SYN3: variants seen among roughly 807,000 people sequenced by gnomAD.
The protein encoded by SYN3 is synapsin-3.
Under a neutral mutation model 65.8 loss-of-function variants are expected in SYN3, and 35 were observed. That is an observed-to-expected ratio of 0.53 (90% CI 0.41 to 0.70). The LOEUF (loss-of-function observed/expected upper bound fraction) is 0.70. Ranked by LOEUF, SYN3 falls within the 30% of genes least tolerant of loss-of-function variation. The probability of loss-of-function intolerance (pLI) is 0.00; values close to 1 mark genes in which losing one functional copy is unlikely to be tolerated. For synonymous variants in SYN3, 270 were observed against 292.9 expected, an observed-to-expected ratio of 0.92 and a Z score of 0.80; for missense variants, 680 against 749.0, an observed-to-expected ratio of 0.91 and a Z score of 1.08.
At chr22:32,676,174 A>T (rs2060438515) in intron 6 of SYN3, among the ~76,000 whole-genome samples, 1 of 152,216 alleles carries the variant, frequency 6.6e-6, no homozygotes, top group South Asian at 2.1e-4. Flanking sequence ...ACTGTCTTTC[A>T]TCAAGCCTCC....
chr22:32,857,823 C>T (rs764644501), intron 6 of SYN3, among the ~76,000 whole-genome samples: 2 of 152,176 alleles, frequency 1.3e-5, no homozygotes, highest in Non-Finnish European at 2.9e-5. Flanking sequence ...CTCTCCAAGC[C>T]TCATTATCCT....
At chr22:32,899,099 T>TTAAAAA in intron 4 of SYN3, among the ~76,000 whole-genome samples, 1 of 3,702 alleles carries the variant, frequency 2.7e-4, no homozygotes, top group Middle Eastern at 0.083. Context: ...AGACTCTGTC[T>TTAAAAA]CAAAAACAAA....
intron 7 of SYN3, among the ~76,000 whole-genome samples, chr22:32,594,736 C>T (rs6518789): frequency 0.23 from 35,748 of 152,130 alleles, 4,736 homozygotes; most frequent in South Asian, 0.32. Context: ...GATCCACCCT[C>T]TTTGGCCTCC....
intron 7 of SYN3, among the ~76,000 whole-genome samples, chr22:32,567,443 C>T (rs1454590790): frequency 6.8e-6 from 1 of 147,888 alleles, no homozygotes; most frequent in Non-Finnish European, 1.5e-5. Flanking sequence ...GGAAATAGAA[C>T]ACAGAGCCAA....
At chr22:32,670,504 AG>A (rs2060345828) in intron 6 of SYN3, among the ~76,000 whole-genome samples, 2 of 152,210 alleles carry the variant, frequency 1.3e-5, no homozygotes, top group Admixed American at 6.5e-5. Flanking sequence ...AGCTGGAAAG[AG>A]GGATCCTCTG....
chr22:32,914,017 G>A (rs961597205), intron 4 of SYN3, among the ~76,000 whole-genome samples: 2 of 152,192 alleles, frequency 1.3e-5, no homozygotes, highest in African/African-American at 2.4e-5. Context: ...GTTTGTAAGC[G>A]TTTAATGTGA....
chr22:32,784,915 A>G (rs575316203), intron 6 of SYN3: 2 of 152,338 alleles, frequency 1.3e-5, no homozygotes, highest in South Asian at 2.1e-4. Context: ...TTGAGCCCCA[A>G]CTGTGCACAA....
intron 1 of SYN3, among the ~76,000 whole-genome samples, chr22:33,025,168 T>A (rs1217951651): frequency 6.6e-6 from 1 of 151,860 alleles, no homozygotes; most frequent in Non-Finnish European, 1.5e-5. Flanking sequence ...TGAAACCTGG[T>A]CTCTACTGCC....
chr22:32,869,457 G>C (rs774993854), intron 4 of SYN3, among the ~76,000 whole-genome samples: 3 of 150,828 alleles, frequency 2.0e-5, no homozygotes, highest in Non-Finnish European at 4.4e-5. Flanking sequence ...CCGAGATTCT[G>C]CAAGGTACCA....
At position 32,516,147 on chromosome 22, in the gene SYN3, G is replaced by C. The variant is rs7289841; in HGVS notation, c.1610+1896C>G. On this transcript the variant is annotated intron_variant, in intron 13 of 13. Coordinates refer to ENST00000358763, the MANE Select transcript of SYN3 (RefSeq NM_003490.4). ...AGCAGTGAGCAGAATGGTGTTGATA[G>C]TGAATACTCCTGTGTGTGTGAGAAA... Among the ~76,000 whole-genome samples the C allele has an allele frequency of 4.3e-3, 653 of 152,192 alleles. 6 individuals are homozygous for C. The highest frequency in any genetic ancestry group is 0.015 in the African/African-American group (616 of 41,524).
intron 6 of SYN3, among the ~76,000 whole-genome samples, chr22:32,844,489 C>T (rs981350754): frequency 1.3e-5 from 2 of 152,140 alleles, no homozygotes; most frequent in Non-Finnish European, 2.9e-5. Context: ...AGCACTCTTG[C>T]CCAAACAAAT....
At chr22:32,760,810 T>G (rs569875054) in intron 6 of SYN3, among the ~76,000 whole-genome samples, 1 of 152,250 alleles carries the variant, frequency 6.6e-6, no homozygotes, top group Non-Finnish European at 1.5e-5. Flanking sequence ...GAGCAATGGA[T>G]AGATTTTTAG....
At chr22:32,939,666 G>A (rs1357639477) in intron 3 of SYN3, among the ~76,000 whole-genome samples, 1 of 152,156 alleles carries the variant, frequency 6.6e-6, no homozygotes, top group African/African-American at 2.4e-5. Flanking sequence ...ATTCATCCAT[G>A]CTGCTGTGGT....
chr22:32,581,597 G>C (rs2058942690), intron 7 of SYN3, among the ~76,000 whole-genome samples: 1 of 152,170 alleles, frequency 6.6e-6, no homozygotes, highest in Non-Finnish European at 1.5e-5. Flanking sequence ...AGTGTCTTCT[G>C]TCTGAAGCTG....
intron 7 of SYN3, among the ~76,000 whole-genome samples, chr22:32,543,827 C>T (rs904232087): frequency 1.3e-4 from 20 of 152,132 alleles, no homozygotes; most frequent in South Asian, 4.2e-4. Flanking sequence ...TTTGCTCTGG[C>T]AGGGAATGTG....
intron 6 of SYN3, among the ~76,000 whole-genome samples, chr22:32,722,231 C>T (rs987195562): frequency 1.3e-5 from 2 of 152,094 alleles, no homozygotes; most frequent in Non-Finnish European, 2.9e-5. Flanking sequence ...CAGGGGACAA[C>T]GTACCCACAG....
At chr22:32,676,333 C>T (rs912719374) in intron 6 of SYN3, among the ~76,000 whole-genome samples, 2 of 152,092 alleles carry the variant, frequency 1.3e-5, no homozygotes, top group Non-Finnish European at 2.9e-5. Context: ...CAACAGGTCC[C>T]AGACAGCTTG....
intron 4 of SYN3, among the ~76,000 whole-genome samples, chr22:32,899,083 A>G (rs930270821): frequency 2.2e-5 from 3 of 136,444 alleles, no homozygotes; most frequent in African/African-American, 8.8e-5. Flanking sequence ...GCTTGGCGAC[A>G]GAGTGAGACT....
At chr22:32,926,945 A>G (rs1318416582) in intron 4 of SYN3, among the ~76,000 whole-genome samples, 3 of 152,172 alleles carry the variant, frequency 2.0e-5, no homozygotes, top group African/African-American at 7.2e-5. Flanking sequence ...GTTCTTCCCT[A>G]CAATGTCTGG....
Sources: gnomAD v4.1 joint callset for allele counts (sites outside exome capture counted in the v4.1 genomes callset) on GRCh38, gnomAD v4.1.1 for gene constraint, MANE v1.5 for transcripts, NCBI Gene and HGNC (gene_info 2026-07-23, HGNC 2026-07-21) for gene names.